The following ZNRF3 variants were observed in gnomAD, a reference collection of about 807,000 sequenced individuals.
ZNRF3 encodes the protein E3 ubiquitin-protein ligase ZNRF3.
Under a neutral mutation model 72.5 loss-of-function variants are expected in ZNRF3, and 23 were observed. The observed-to-expected ratio is 0.32, with a 90% CI of 0.23 to 0.45. The LOEUF is 0.45. ZNRF3 is among the 20% of genes least tolerant of loss of function. The pLI is 1.00. For missense variants in ZNRF3, 1,169 were observed against 1,272.1 expected (o/e 0.92, Z 1.23); for synonymous variants, 610 against 545.3 (o/e 1.12, Z -1.65).
chr22:29,017,120 T>TG (rs1178579670), intron 2 of ZNRF3, among the ~76,000 whole-genome samples: 1 of 152,176 alleles, frequency 6.6e-6, no homozygotes, highest in Non-Finnish European at 1.5e-5. Context: ...AAGCCAAAAA[T>TG]GCATTAGCCA....
At chr22:28,985,219 A>G (rs1240624450) in intron 1 of ZNRF3, among the ~76,000 whole-genome samples, 1 of 152,116 alleles carries the variant, frequency 6.6e-6, no homozygotes, top group Non-Finnish European at 1.5e-5. Context: ...TCTTCTGCCT[A>G]AGGACCTGTA....
At chr22:28,949,342 T>C (rs901723243) in intron 1 of ZNRF3, among the ~76,000 whole-genome samples, 19 of 152,220 alleles carry the variant, frequency 1.2e-4, no homozygotes, top group African/African-American at 4.6e-4. Context: ...TGGCATGAGC[T>C]AGGCTCACTG....
intron 1 of ZNRF3, among the ~76,000 whole-genome samples, chr22:28,962,369 C>T (rs1206184744): frequency 6.6e-6 from 1 of 152,200 alleles, no homozygotes; most frequent in Non-Finnish European, 1.5e-5. Context: ...ACAAGGTAGG[C>T]TTGGAGTGCA....
At chr22:28,886,261 C>A (rs1010932042) in intron 1 of ZNRF3, among the ~76,000 whole-genome samples, 5 of 152,192 alleles carry the variant, frequency 3.3e-5, no homozygotes, top group Non-Finnish European at 7.3e-5. Context: ...CCTTGTCTGG[C>A]AGCCCTGAAA....
At chr22:29,020,978 A>G (rs2036528501) in intron 2 of ZNRF3, among the ~76,000 whole-genome samples, 1 of 151,964 alleles carries the variant, frequency 6.6e-6, no homozygotes, top group Non-Finnish European at 1.5e-5. Flanking sequence ...TTGTATTTTT[A>G]GTAGAGATGG....
intron 1 of ZNRF3, among the ~76,000 whole-genome samples, chr22:28,907,769 G>A (rs1032842910): frequency 6.6e-6 from 1 of 152,182 alleles, no homozygotes; most frequent in Non-Finnish European, 1.5e-5. Flanking sequence ...TGCCCACAGC[G>A]CATGGTGCAG....
intron 1 of ZNRF3, among the ~76,000 whole-genome samples, chr22:28,919,091 G>C (rs953681904): frequency 6.6e-6 from 1 of 152,228 alleles, no homozygotes; most frequent in African/African-American, 2.4e-5. Context: ...TGCAGCCAAG[G>C]AGGGGTTGGG....
chr22:29,049,367 T>C lies in ZNRF3; in HGVS notation c.1186T>C (p.Leu396=). The change falls in exon 8 of 9, where the codon TTG becomes CTG. Residue 396 remains leucine, a synonymous_variant. Coordinates refer to ENST00000544604, the MANE Select transcript of ZNRF3 (RefSeq NM_001206998.2). The surrounding 1 kb of genome is among the most constrained non-coding windows in gnomAD (Gnocchi z 5.2). ...GGACTCCCACGGCAACCCCGTCACC[T>C]TGCTGACCATGGACCGGCACGGGGA... ...SMDSHGNPVT[L]LTMDRHGEQS... is the part of the protein sequence containing the mutation. The C allele has an allele frequency of 6.2e-7, 1 of 1,613,266 alleles. No individual in the cohort carries two copies. Among genetic ancestry groups the C allele is most frequent in the South Asian group, 1.1e-5 (1 of 91,076 alleles).
At chr22:28,979,464 G>T (rs558734612) in intron 1 of ZNRF3, among the ~76,000 whole-genome samples, 2 of 152,256 alleles carry the variant, frequency 1.3e-5, no homozygotes, top group East Asian at 3.9e-4. Flanking sequence ...CAGCGTTCTT[G>T]GGCTGCTGTG....
chr22:28,901,781 C>T (rs1207342714), intron 1 of ZNRF3, among the ~76,000 whole-genome samples: 1 of 151,684 alleles, frequency 6.6e-6, no homozygotes, highest in Admixed American at 6.6e-5. Context: ...GCCACGATTA[C>T]ACGTGCGCAA....
intron 1 of ZNRF3, among the ~76,000 whole-genome samples, chr22:28,945,442 A>T (rs1429247022): frequency 6.6e-6 from 1 of 152,104 alleles, no homozygotes; most frequent in East Asian, 1.9e-4. Context: ...CTGTAATCCC[A>T]GCACTTGGAG....
At chr22:29,019,782 A>G (rs1028334889) in intron 2 of ZNRF3, among the ~76,000 whole-genome samples, 4 of 152,196 alleles carry the variant, frequency 2.6e-5, no homozygotes, top group African/African-American at 7.2e-5. Flanking sequence ...TCTTAGTTCT[A>G]CAGATGAGGA....
In ZNRF3 at chr22:29,049,257, A is replaced by G; in HGVS notation, c.1076A>G (p.Gln359Arg). ...VETSNLSRGR[Q>R]QRVTLPVHYP... is the part of the protein sequence containing the mutation. ...ACCAGCAACCTCTCACGTGGTCGGC[A>G]GCAGAGGGTGACCCTGCCGGTGCAT... Residue 359 changes from glutamine (Q) to arginine (R), a missense_variant, in exon 8 of 9, where the codon CAG (glutamine) becomes CGG (arginine). This residue lies in a region of ZNRF3 where 386 missense variants were observed against 540.7 expected (regional missense o/e 0.71). Transcript: ENST00000544604. The surrounding 1 kb of genome is among the most constrained non-coding windows in gnomAD (Gnocchi z 5.2). The G allele has an allele frequency of 6.2e-7, 1 of 1,613,700 alleles. No homozygotes were observed. Among genetic ancestry groups the G allele is most frequent in the Non-Finnish European group, 8.5e-7 (1 of 1,179,798 alleles).
chr22:28,944,827 G>A (rs938043761), intron 1 of ZNRF3, among the ~76,000 whole-genome samples: 1 of 151,536 alleles, frequency 6.6e-6, no homozygotes, highest in Non-Finnish European at 1.5e-5. Flanking sequence ...TCTGGAGGCT[G>A]AGGCAGGAGA....
chr22:28,909,896 C>G (rs1446480544), intron 1 of ZNRF3, among the ~76,000 whole-genome samples: 1 of 151,738 alleles, frequency 6.6e-6, no homozygotes, highest in African/African-American at 2.4e-5. Context: ...GCTGGTCACG[C>G]CCAGCTAATT....
In ZNRF3 at chr22:29,033,747, C is replaced by T. The variant is rs571073351; in HGVS notation, c.427-8748C>T. Among the ~76,000 whole-genome samples the T allele has an allele frequency of 3.7e-4, 57 of 152,166 alleles. No individual in the cohort carries two copies. The South Asian group carries it at 0.011, about 30-fold the overall frequency. On this transcript the variant is annotated intron_variant, in intron 2 of 8. Coordinates refer to ENST00000544604, the MANE Select transcript of ZNRF3 (RefSeq NM_001206998.2). ...CAAAGGGCTGCAGTTTTGACTTTGC[C>T]CCATGGGTGGAGGAATGGGGGAGAT...
intron 2 of ZNRF3, among the ~76,000 whole-genome samples, chr22:29,024,429 G>A (rs1189615149): frequency 1.3e-5 from 2 of 152,054 alleles, no homozygotes; most frequent in Admixed American, 6.6e-5. Context: ...TATTTGCTGA[G>A]GGTTCCCAGG....
Position 28,937,173 on chromosome 22 carries a change from TA to T in ZNRF3, c.301-49901del, listed in dbSNP as rs1187810825. On this transcript the variant is annotated intron_variant, in intron 1 of 8. Transcript: ENST00000544604. ...CCGCTGCCAACCTACTTCTCTCTTATAATATATATATATATATATATATATA... is the reference window on the plus strand; with the variant it reads ...CCGCTGCCAACCTACTTCTCTCTTATATATATATATATATATATATATATA... Among the ~76,000 whole-genome samples the T allele has an allele frequency of 1.1e-3, 103 of 95,426 alleles. 2 individuals are homozygous for T. The highest frequency in any genetic ancestry group is 5.3e-3 in the African/African-American group (95 of 17,880). 62.6% of individuals were successfully genotyped at this position (95,426 alleles called of 152,430 possible).
rs545595945 is a variant in ZNRF3, at chr22:29,048,643, C to G, written c.1015+152C>G. 9.0e-5 allele frequency: 64 copies of G among 714,016 alleles called. No homozygotes were observed. In the African/African-American group the frequency reaches 1.1e-3, roughly 12 times the overall value. The allele number at this position is 714,016 out of a possible 1,614,324, so 44.2% of individuals were successfully genotyped here. The stretch of plus-strand genomic sequence containing the variant: ...CCCTGGGTTTTGGAGGTTGTCTGCA[C>G]GACCCTTAGGAGAGCTTGGCATTAA... On this transcript the variant is annotated intron_variant, in intron 7 of 8. Transcript: ENST00000544604. This position sits in a 1 kb window ranked among gnomAD's most constrained non-coding sequence, Gnocchi z 4.9.
Sources: allele counts gnomAD v4.1 joint callset (sites outside exome capture counted in the v4.1 genomes callset), GRCh38; gene constraint gnomAD v4.1.1; regional missense constraint gnomAD v4.1.1; non-coding constraint Gnocchi (gnomAD v3.1); transcripts MANE v1.5; gene names NCBI Gene and HGNC (gene_info 2026-07-23, HGNC 2026-07-21).